Variants in CHRM3 observed in about 807,000 individuals in gnomAD.
The protein encoded by CHRM3 is muscarinic acetylcholine receptor M3.
In CHRM3, 11 loss-of-function variants were observed where a neutral mutation model predicts 41.8. The ratio of observed to expected loss-of-function variants is 0.26; its 90% CI spans 0.17 to 0.44. The LOEUF (loss-of-function observed/expected upper bound fraction) is 0.44, where lower values mean the gene tolerates loss of function less well. Ranked by LOEUF, CHRM3 falls within the 20% of genes least tolerant of loss-of-function variation. The probability of loss-of-function intolerance (pLI) is 1.00; values close to 1 mark genes in which losing one functional copy is unlikely to be tolerated. For synonymous variants in CHRM3, 297 were observed against 301.4 expected, an observed-to-expected ratio of 0.99 and a Z score of 0.15; for missense variants, 571 against 745.4, an observed-to-expected ratio of 0.77 and a Z score of 2.72.
intron 4 of CHRM3, among the ~76,000 whole-genome samples, chr1:239,651,071 A>T (rs1672200705): frequency 1.3e-5 from 2 of 152,224 alleles, no homozygotes; most frequent in Non-Finnish European, 2.9e-5. Context: ...AACATAGTAG[A>T]TGTTGAACAA....
At chr1:239,486,450 A>T (rs1488966680) in intron 1 of CHRM3, among the ~76,000 whole-genome samples, 1 of 152,172 alleles carries the variant, frequency 6.6e-6, no homozygotes, top group African/African-American at 2.4e-5. Context: ...TACACACAAG[A>T]ACAATAGAAA....
intron 6 of CHRM3, chr1:239,886,368 T>C (rs1678072398): frequency 6.6e-6 from 1 of 152,178 alleles, no homozygotes; most frequent in Non-Finnish European, 1.5e-5. Context: ...TTTCCAACCC[T>C]GACGGATATG....
At chr1:239,482,399 GCTT>G (rs1666916915) in intron 1 of CHRM3, among the ~76,000 whole-genome samples, 1 of 152,196 alleles carries the variant, frequency 6.6e-6, no homozygotes, top group African/African-American at 2.4e-5. Flanking sequence ...GAGTTTTCAA[GCTT>G]CTACTCTGCA....
chr1:239,526,015 C>T (rs553653869), intron 2 of CHRM3, among the ~76,000 whole-genome samples: 1 of 152,286 alleles, frequency 6.6e-6, no homozygotes, highest in East Asian at 1.9e-4. Context: ...TTGGGAATGA[C>T]TCATCTCAAT....
chr1:239,402,945 T>C (rs1478666924), intron 1 of CHRM3, among the ~76,000 whole-genome samples: 3 of 152,212 alleles, frequency 2.0e-5, no homozygotes, highest in Non-Finnish European at 1.5e-5. Flanking sequence ...TTTGGAACTT[T>C]GTGGATTTTT....
At chr1:239,673,651 T>C (rs1657636646) in intron 4 of CHRM3, among the ~76,000 whole-genome samples, 1 of 152,260 alleles carries the variant, frequency 6.6e-6, no homozygotes, top group African/African-American at 2.4e-5. Context: ...CTAGAACAAC[T>C]AATTTCTTTT....
intron 6 of CHRM3, among the ~76,000 whole-genome samples, chr1:239,843,405 A>G (rs1673986553): frequency 6.8e-6 from 1 of 147,268 alleles, no homozygotes; most frequent in South Asian, 2.1e-4. Flanking sequence ...TAGATTATAA[A>G]CTCAGTTGCA....
At position 239,713,745 on chromosome 1, in the gene CHRM3, T is replaced by G. The variant is rs548723028; in HGVS notation, c.-147+35457T>G. Reference sequence around the variant, plus strand: ...CCAGTTTGCTGGAGACCTCTGCAGTTTACCTCTGTTGCTGAGGCACAATTA... The same window carrying G: ...CCAGTTTGCTGGAGACCTCTGCAGTGTACCTCTGTTGCTGAGGCACAATTA... On this transcript the variant is annotated intron_variant, in intron 5 of 6. Transcript: ENST00000676153. Among the ~76,000 whole-genome samples the G allele has an allele frequency of 7.2e-5, 11 of 152,290 alleles. No individual in the cohort carries two copies. In the South Asian group the frequency reaches 2.3e-3, roughly 32 times the overall value.
intron 4 of CHRM3, among the ~76,000 whole-genome samples, chr1:239,667,300 T>A (rs1221749137): frequency 6.6e-6 from 1 of 152,272 alleles, no homozygotes; most frequent in Non-Finnish European, 1.5e-5. Context: ...GCATTACTGT[T>A]CCCTTGCCTT....
chr1:239,698,142 C>T (rs1660366091), intron 5 of CHRM3, among the ~76,000 whole-genome samples: 2 of 152,130 alleles, frequency 1.3e-5, no homozygotes. Context: ...TTTCTAAAAA[C>T]AGGCATTAAA....
At chr1:239,889,148 C>A (rs1678324905) in intron 6 of CHRM3, among the ~76,000 whole-genome samples, 1 of 152,052 alleles carries the variant, frequency 6.6e-6, no homozygotes, top group African/African-American at 2.4e-5. Flanking sequence ...GAATGGATCA[C>A]CGGATCCACA....
intron 3 of CHRM3, among the ~76,000 whole-genome samples, chr1:239,566,579 C>G (rs746910258): frequency 1.3e-5 from 2 of 152,154 alleles, no homozygotes; most frequent in Non-Finnish European, 2.9e-5. Flanking sequence ...TATTTCCTTT[C>G]AAGAATCATT....
intron 2 of CHRM3, among the ~76,000 whole-genome samples, chr1:239,507,490 ACTT>A (rs1668651821): frequency 1.3e-5 from 2 of 152,108 alleles, no homozygotes; most frequent in South Asian, 4.1e-4. Flanking sequence ...AGTCCAATAA[ACTT>A]CTTTCTTTTG....
At chr1:239,872,486 G>A (rs1291875826) in intron 6 of CHRM3, among the ~76,000 whole-genome samples, 2 of 152,090 alleles carry the variant, frequency 1.3e-5, no homozygotes, top group Non-Finnish European at 2.9e-5. Context: ...CCTTGTGTGG[G>A]ACGGCCCCAA....
At chr1:239,461,564 A>G (rs1217778208) in intron 1 of CHRM3, among the ~76,000 whole-genome samples, 3 of 152,062 alleles carry the variant, frequency 2.0e-5, no homozygotes, top group Non-Finnish European at 4.4e-5. Flanking sequence ...GATTCTGTAC[A>G]AGCAAATCTT....
intron 4 of CHRM3, among the ~76,000 whole-genome samples, chr1:239,662,054 A>G (rs1421583948): frequency 6.6e-6 from 1 of 151,674 alleles, no homozygotes; most frequent in Non-Finnish European, 1.5e-5. Context: ...TAAGCACATC[A>G]TGCATTGTGA....
intron 5 of CHRM3, among the ~76,000 whole-genome samples, chr1:239,809,023 T>TG (rs1303154182): frequency 7.1e-6 from 1 of 141,330 alleles, no homozygotes; most frequent in Non-Finnish European, 1.5e-5. Flanking sequence ...AAGTCCATTT[T>TG]TTTTTTTTTT....
chr1:239,814,659 A>G (rs1449673480), intron 5 of CHRM3, among the ~76,000 whole-genome samples: 1 of 152,186 alleles, frequency 6.6e-6, no homozygotes, highest in Non-Finnish European at 1.5e-5. Context: ...TGGTCCACAC[A>G]CAGAAGTCCT....
At chr1:239,409,164 C>T (rs1322957524) in intron 1 of CHRM3, among the ~76,000 whole-genome samples, 1 of 151,948 alleles carries the variant, frequency 6.6e-6, no homozygotes, top group Non-Finnish European at 1.5e-5. Context: ...GAGCAGCTGC[C>T]AAGGCCAGGA....
Sources: allele counts gnomAD v4.1 joint callset (sites outside exome capture counted in the v4.1 genomes callset), GRCh38; gene constraint gnomAD v4.1.1; transcripts MANE v1.5; gene names NCBI Gene and HGNC (gene_info 2026-07-23, HGNC 2026-07-21).